TUSC3: variants seen among roughly 807,000 people sequenced by gnomAD.
TUSC3 encodes the protein tumor suppressor candidate 3.
TUSC3 carries 45 observed loss-of-function variants against 44.8 expected under a neutral mutation model. The observed-to-expected ratio is 1.00, with a 90% confidence interval of 0.79 to 1.29. The LOEUF (loss-of-function observed/expected upper bound fraction) is 1.29. Among genes scored for constraint, TUSC3 ranks in the 50% most tolerant of loss-of-function variants. The pLI is 0.00. For missense variants in TUSC3, 519 were observed against 437.9 expected (o/e 1.19, Z -1.65); for synonymous variants, 212 against 152.9 (o/e 1.39, Z -2.85).
At chr8:15,794,278 CTT>C in the TUSC3 span, among the ~76,000 whole-genome samples, 1 of 152,182 alleles carries the variant, frequency 6.6e-6, no homozygotes, top group South Asian at 2.1e-4. Flanking sequence ...GAGGATAAGT[CTT>C]TCCACAATAA....
At chr8:15,554,835 G>C (rs967805506) in intron 1 of TUSC3, among the ~76,000 whole-genome samples, 8 of 150,506 alleles carry the variant, frequency 5.3e-5, no homozygotes, top group African/African-American at 1.9e-4. Flanking sequence ...TCGATCTCCT[G>C]ACCTCGTGAT....
At chr8:15,803,397 A>C in the TUSC3 span, among the ~76,000 whole-genome samples, 1 of 152,174 alleles carries the variant, frequency 6.6e-6, no homozygotes, top group African/African-American at 2.4e-5. Context: ...CATGCGCTAT[A>C]ATTTCTGAAA....
chr8:15,508,751 G>A (rs1172399923), intron 2 of TUSC3, among the ~76,000 whole-genome samples: 2 of 152,044 alleles, frequency 1.3e-5, no homozygotes, highest in African/African-American at 2.4e-5. Context: ...GTAAGCCACC[G>A]CACCTGTCCT....
intron 1 of TUSC3, among the ~76,000 whole-genome samples, chr8:15,435,281 G>A (rs989093642): frequency 2.0e-5 from 3 of 152,016 alleles, no homozygotes; most frequent in Admixed American, 6.6e-5. Flanking sequence ...TTTCTCTGGT[G>A]GCCAGTGATG....
At chr8:15,603,268 T>A (rs1804368855) in intron 1 of TUSC3, among the ~76,000 whole-genome samples, 1 of 151,744 alleles carries the variant, frequency 6.6e-6, no homozygotes, top group African/African-American at 2.4e-5. Flanking sequence ...ATATGTATAA[T>A]GTCATTAAAC....
the TUSC3 span, among the ~76,000 whole-genome samples, chr8:15,779,051 C>T: frequency 5.3e-5 from 8 of 151,158 alleles, no homozygotes; most frequent in African/African-American, 1.9e-4. Flanking sequence ...GTTACGTTCA[C>T]ATACATCCTG....
chr8:15,766,811 GGTAC>G (rs1312713823), downstream of TUSC3, among the ~76,000 whole-genome samples: 4 of 152,002 alleles, frequency 2.6e-5, no homozygotes, highest in Non-Finnish European at 5.9e-5. Flanking sequence ...CCTCCCTAAG[GGTAC>G]GTGAAGGGAG....
At chr8:15,770,546 G>C (rs949174833), downstream of TUSC3, among the ~76,000 whole-genome samples, 2 of 152,090 alleles carry the variant, frequency 1.3e-5, no homozygotes, top group African/African-American at 2.4e-5. Context: ...AGAACTTAAA[G>C]TATAATTTTT....
intron 1 of TUSC3, among the ~76,000 whole-genome samples, chr8:15,482,917 C>T (rs1800682250): frequency 6.6e-6 from 1 of 152,144 alleles, no homozygotes; most frequent in South Asian, 2.1e-4. Context: ...TTACACATTA[C>T]TTTAAGCGGT....
intron 1 of TUSC3, among the ~76,000 whole-genome samples, chr8:15,555,396 A>C (rs377617806): frequency 9.7e-5 from 14 of 143,832 alleles, no homozygotes; most frequent in African/African-American, 3.4e-4. Flanking sequence ...TCCTGGGCTC[A>C]AGTGATCCTC....
At chr8:15,681,097 G>A (rs1808410160) in intron 6 of TUSC3, among the ~76,000 whole-genome samples, 1 of 150,128 alleles carries the variant, frequency 6.7e-6, no homozygotes, top group Non-Finnish European at 1.5e-5. Flanking sequence ...TGGCTACATA[G>A]AACGTGTTAG....
rs150368776 is a variant in TUSC3, at chr8:15,563,685, C to CAAAAAAAAAAAAAAAAAAAA, written c.138+23118_138+23137dup. 7.5e-4 allele frequency among the ~76,000 whole-genome samples: 60 copies of CAAAAAAAAAAAAAAAAAAAA among 79,948 alleles called. 1 individual carries two copies. The highest frequency in any genetic ancestry group is 1.7e-3 in the South Asian group (3 of 1,776). 52.4% of individuals were successfully genotyped at this position (79,948 alleles called of 152,430 possible). A position where few individuals can be genotyped will look rare whatever the true frequency, so the allele number is the denominator to read the frequency against. On this transcript the variant is annotated intron_variant, in intron 1 of 10. Transcript: ENST00000503731. ...TGAGTGACAGAGTGAGCCTCCATCTCAAAAAAAAAAAAAAAAAAAAGAACA... is the reference window on the plus strand; with the variant it reads ...TGAGTGACAGAGTGAGCCTCCATCTCAAAAAAAAAAAAAAAAAAAAAAAAAAAAAAAAAAAAAAAAGAACA...
chr8:15,683,558 C>A (rs957464090), intron 6 of TUSC3, among the ~76,000 whole-genome samples: 7 of 152,016 alleles, frequency 4.6e-5, no homozygotes, highest in Admixed American at 1.3e-4. Flanking sequence ...TTTCTGACTT[C>A]CTTGGATTGG....
At chr8:15,604,758 G>T (rs1585144873) in intron 1 of TUSC3, among the ~76,000 whole-genome samples, 1 of 151,702 alleles carries the variant, frequency 6.6e-6, no homozygotes, top group Non-Finnish European at 1.5e-5. Context: ...CTCTGAATAT[G>T]GTTAGGACTG....
chr8:15,610,331 A>G (rs1371059425), intron 1 of TUSC3, among the ~76,000 whole-genome samples: 2 of 152,168 alleles, frequency 1.3e-5, no homozygotes, highest in Non-Finnish European at 2.9e-5. Flanking sequence ...AGCAACATCT[A>G]ACATTAGAAT....
In TUSC3 at chr8:15,659,478, A is replaced by G. The variant is rs537991407; in HGVS notation, c.427-29A>G. 15 of 1,606,872 alleles carry G rather than the reference A, an allele frequency of 9.3e-6. 1 individual carries two copies. In the African/African-American group the frequency reaches 1.9e-4, roughly 20 times the overall value. ...TGGATTAATGATAAGATGATCCTAT[A>G]TTTAGTATTTTTTTCTCATGTTTTA... On this transcript the variant is annotated intron_variant, in intron 3 of 10. Transcript: ENST00000503731.
chr8:15,587,651 A>G (rs998704797), intron 1 of TUSC3, among the ~76,000 whole-genome samples: 3 of 152,116 alleles, frequency 2.0e-5, no homozygotes, highest in African/African-American at 7.2e-5. Flanking sequence ...ACAGTGCTAT[A>G]GAACACTAGA....
At chr8:15,556,344 T>C (rs1802264529) in intron 1 of TUSC3, among the ~76,000 whole-genome samples, 1 of 150,726 alleles carries the variant, frequency 6.6e-6, no homozygotes, top group South Asian at 2.1e-4. Flanking sequence ...CATCATTTTT[T>C]ATGGCTGCAT....
chr8:15,567,679 G>A (rs968475739), intron 1 of TUSC3, among the ~76,000 whole-genome samples: 1 of 152,154 alleles, frequency 6.6e-6, no homozygotes, highest in Non-Finnish European at 1.5e-5. Flanking sequence ...GATGGGTTGG[G>A]ATAGATACTA....
Sources: allele counts gnomAD v4.1 joint callset (sites outside exome capture counted in the v4.1 genomes callset), GRCh38; gene constraint gnomAD v4.1.1; transcripts MANE v1.5; gene names NCBI Gene and HGNC (gene_info 2026-07-23, HGNC 2026-07-21).